MAGI1: variants seen among roughly 807,000 people sequenced by gnomAD.
The protein encoded by MAGI1 is membrane associated guanylate kinase, WW and PDZ domain containing 1.
Under a neutral mutation model 139.9 loss-of-function variants are expected in MAGI1, and 58 were observed. The ratio of observed to expected loss-of-function variants is 0.41; its 90% CI spans 0.34 to 0.52. MAGI1 has a LOEUF of 0.52. Ranked by LOEUF, MAGI1 falls within the 20% of genes least tolerant of loss-of-function variation. The probability of loss-of-function intolerance (pLI) is 0.12; values close to 1 mark genes in which losing one functional copy is unlikely to be tolerated. For synonymous variants in MAGI1, 812 were observed against 737.9 expected, an observed-to-expected ratio of 1.10 and a Z score of -1.63; for missense variants, 1,874 against 1,901.6, an observed-to-expected ratio of 0.99 and a Z score of 0.27.
chr3:65,655,628 A>G (rs2085831963), intron 1 of MAGI1, among the ~76,000 whole-genome samples: 1 of 152,252 alleles, frequency 6.6e-6, no homozygotes, highest in African/African-American at 2.4e-5. Context: ...AAGTGCTCGC[A>G]TACATTATTT....
At position 65,969,263 on chromosome 3, in the gene MAGI1, C is replaced by G. The variant is rs528271415; in HGVS notation, c.313+68733G>C. 2.6e-5 allele frequency among the ~76,000 whole-genome samples: 4 copies of G among 152,282 alleles called. No individual in the cohort carries two copies. In the South Asian group the frequency reaches 8.3e-4, roughly 32 times the overall value. On this transcript the variant is annotated intron_variant, in intron 1 of 22. Coordinates refer to ENST00000402939, the MANE Select transcript of MAGI1 (RefSeq NM_001033057.2). ...AAAACATTGCTCTCACAGTTCCTAGCTGTTATCTGTAACCATTTCACCGGG... is the reference window on the plus strand; with the variant it reads ...AAAACATTGCTCTCACAGTTCCTAGGTGTTATCTGTAACCATTTCACCGGG...
At chr3:65,834,063 A>G (rs774123130) in intron 1 of MAGI1, among the ~76,000 whole-genome samples, 11 of 152,232 alleles carry the variant, frequency 7.2e-5, no homozygotes, top group Non-Finnish European at 1.2e-4. Flanking sequence ...TGTAATTCCC[A>G]CTTTTCTGCA....
intron 3 of MAGI1, among the ~76,000 whole-genome samples, chr3:65,483,227 T>G (rs990242117): frequency 1.3e-5 from 2 of 152,240 alleles, no homozygotes; most frequent in African/African-American, 4.8e-5. Context: ...GGCTCTCTTA[T>G]TCTGCTGTGA....
chr3:65,945,816 C>T (rs945537316), intron 1 of MAGI1, among the ~76,000 whole-genome samples: 1 of 152,216 alleles, frequency 6.6e-6, no homozygotes, highest in African/African-American at 2.4e-5. Context: ...ATTCGTTGCT[C>T]ACTTAAACTT....
intron 1 of MAGI1, among the ~76,000 whole-genome samples, chr3:65,736,589 G>T (rs901116865): frequency 6.6e-6 from 1 of 152,096 alleles, no homozygotes; most frequent in East Asian, 1.9e-4. Context: ...GGCAGCACTG[G>T]TATAAATCCT....
chr3:65,645,832 A>G lies in MAGI1; in HGVS notation c.314-23744T>C, dbSNP rs564407973. Among the ~76,000 whole-genome samples, 6 of 152,194 alleles carry G rather than the reference A, an allele frequency of 3.9e-5. No homozygotes were observed. The East Asian group carries it at 9.7e-4, about 25-fold the overall frequency. ...ATAGTTATTTTATATACTTTTGAGT[A>G]TATCTATTTTTACAGCCCTTTTAGT... On this transcript the variant is annotated intron_variant, in intron 1 of 22. Coordinates refer to ENST00000402939, the MANE Select transcript of MAGI1 (RefSeq NM_001033057.2).
At chr3:65,778,990 AAC>A (rs1190427143) in intron 1 of MAGI1, among the ~76,000 whole-genome samples, 3 of 152,208 alleles carry the variant, frequency 2.0e-5, no homozygotes, top group South Asian at 2.1e-4. Flanking sequence ...AATAACTTGC[AAC>A]ACACAGAACA....
intron 1 of MAGI1, among the ~76,000 whole-genome samples, chr3:65,940,116 G>A (rs1351202307): frequency 1.3e-5 from 2 of 152,140 alleles, no homozygotes; most frequent in African/African-American, 4.8e-5. Flanking sequence ...CCCTTTAAGA[G>A]GGAAAGCAGT....
intron 1 of MAGI1, among the ~76,000 whole-genome samples, chr3:65,942,819 G>A (rs1263402080): frequency 9.9e-5 from 15 of 152,142 alleles, no homozygotes; most frequent in African/African-American, 2.7e-4. Flanking sequence ...TTGGGAGTTC[G>A]AGACCAGCCT....
chr3:65,462,687 G>A (rs1949890121), intron 5 of MAGI1, among the ~76,000 whole-genome samples: 1 of 152,168 alleles, frequency 6.6e-6, no homozygotes, highest in Admixed American at 6.5e-5. Context: ...GGATAGCATT[G>A]AATCTATAAA....
At chr3:65,508,109 A>T (rs1182516608) in intron 2 of MAGI1, among the ~76,000 whole-genome samples, 2 of 152,206 alleles carry the variant, frequency 1.3e-5, no homozygotes, top group Non-Finnish European at 1.5e-5. Flanking sequence ...GCCAATTTTT[A>T]AAAAATAAAA....
intron 1 of MAGI1, among the ~76,000 whole-genome samples, chr3:65,741,862 T>C (rs2035300809): frequency 6.6e-6 from 1 of 152,224 alleles, no homozygotes; most frequent in Admixed American, 6.5e-5. Context: ...CAATCCAGGC[T>C]GCAGACAGTT....
At chr3:65,948,722 T>C (rs558301534) in intron 1 of MAGI1, among the ~76,000 whole-genome samples, 10 of 152,328 alleles carry the variant, frequency 6.6e-5, no homozygotes, top group African/African-American at 2.2e-4. Context: ...AATGAGTACA[T>C]CTATCTTTGA....
At chr3:65,770,882 G>A (rs879751834) in intron 1 of MAGI1, among the ~76,000 whole-genome samples, 4 of 151,852 alleles carry the variant, frequency 2.6e-5, no homozygotes, top group Admixed American at 2.0e-4. Flanking sequence ...TAGTAGAGAC[G>A]GGGTTTTCCC....
intron 2 of MAGI1, among the ~76,000 whole-genome samples, chr3:65,494,313 G>A (rs1232742111): frequency 3.9e-5 from 6 of 152,158 alleles, no homozygotes; most frequent in African/African-American, 1.4e-4. Flanking sequence ...TCTTCTCAGT[G>A]GCTAACAAAT....
At chr3:65,490,618 G>A (rs530532423) in intron 3 of MAGI1, among the ~76,000 whole-genome samples, 1 of 152,136 alleles carries the variant, frequency 6.6e-6, no homozygotes, top group Non-Finnish European at 1.5e-5. Context: ...GGTCGATGCA[G>A]GCGGATCACG....
chr3:65,405,411 A>T (rs2107148708), intron 12 of MAGI1, among the ~76,000 whole-genome samples: 1 of 152,354 alleles, frequency 6.6e-6, no homozygotes, highest in Non-Finnish European at 1.5e-5. Flanking sequence ...AAGCTGTAAC[A>T]GAATACATAC....
chr3:65,687,426 C>T (rs1269282214), intron 1 of MAGI1: 4 of 376,264 alleles, frequency 1.1e-5, no homozygotes, highest in Non-Finnish European at 2.2e-5. Context: ...ATGGCCCTCC[C>T]CTGGGTCAAG....
intron 1 of MAGI1, among the ~76,000 whole-genome samples, chr3:65,871,205 G>A (rs2059927400): frequency 6.6e-6 from 1 of 151,970 alleles, no homozygotes; most frequent in Admixed American, 6.6e-5. Flanking sequence ...CCAAAGTGCT[G>A]GGATTACAGA....
Sources: gnomAD v4.1 joint callset for allele counts (sites outside exome capture counted in the v4.1 genomes callset) on GRCh38, gnomAD v4.1.1 for gene constraint, MANE v1.5 for transcripts, NCBI Gene and HGNC (gene_info 2026-07-23, HGNC 2026-07-21) for gene names.